Variants in CLTCL1 observed in about 807,000 individuals in gnomAD.
CLTCL1 encodes clathrin heavy chain 2.
CLTCL1 carries 159 observed loss-of-function variants against 190.0 expected under a neutral mutation model. The ratio of observed to expected loss-of-function variants is 0.84; its 90% confidence interval spans 0.74 to 0.95. CLTCL1 has a LOEUF of 0.95. Among genes scored for constraint, CLTCL1 ranks in the 40% least tolerant of loss-of-function variants. The probability of loss-of-function intolerance (pLI) is 0.00; values close to 1 mark genes in which losing one functional copy is unlikely to be tolerated. For missense variants in CLTCL1, 1,878 were observed against 2,033.4 expected, an observed-to-expected ratio of 0.92 and a Z score of 1.47; for synonymous variants, 752 against 769.6, an observed-to-expected ratio of 0.98 and a Z score of 0.38.
rs374875733 is a variant in CLTCL1 at position 19,230,097 on chromosome 22, G to GTTTTTTTTTTTTTTTTTTTTTTTTTTTTT, written c.1645-123_1645-122insAAAAAAAAAAAAAAAAAAAAAAAAAAAAA. 2 of 530,318 alleles carry GTTTTTTTTTTTTTTTTTTTTTTTTTTTTT rather than the reference G, an allele frequency of 3.8e-6. 1 individual carries two copies. Among genetic ancestry groups the GTTTTTTTTTTTTTTTTTTTTTTTTTTTTT allele is most frequent in the Non-Finnish European group, 5.5e-6 (2 of 361,860 alleles). 32.9% of individuals were successfully genotyped at this position (530,318 alleles called of 1,614,324 possible). ...AATTCAGCAATTAGTTCCCTCCCTTGGTTTTTTTTTTTTTTTTGAGATGGA... is the reference window on the plus strand; with the variant it reads ...AATTCAGCAATTAGTTCCCTCCCTTGTTTTTTTTTTTTTTTTTTTTTTTTTTTTTGTTTTTTTTTTTTTTTTGAGATGGA... On this transcript the variant is annotated intron_variant, in intron 10 of 32. Coordinates refer to ENST00000427926, the MANE Select transcript of CLTCL1 (RefSeq NM_007098.4).
At chr22:19,208,046 G>A (rs575220516) in intron 22 of CLTCL1, 108 bp downstream of exon 22, 6 of 1,361,150 alleles carry the variant, frequency 4.4e-6, no homozygotes, top group African/African-American at 4.3e-5. Context: ...AACTGTCTTC[G>A]ATGAAACCAG....
At chr22:19,226,453 C>T (rs1050440793) in intron 11 of CLTCL1, 70 bp from the exon 12 acceptor site, 2 of 1,578,150 alleles carry the variant, frequency 1.3e-6, no homozygotes. Context: ...GCTGCTCAAT[C>T]TTGCCCCAGG....
At chr22:19,192,775 C>T (rs552016636) in intron 26 of CLTCL1, among the ~76,000 whole-genome samples, 5 of 152,338 alleles carry the variant, frequency 3.3e-5, no homozygotes, top group Middle Eastern at 3.4e-3. Context: ...CCCTAGTACC[C>T]GCCACCATGG....
chr22:19,189,437 T>C (rs1338095659), intron 27 of CLTCL1, among the ~76,000 whole-genome samples: 12 of 152,270 alleles, frequency 7.9e-5, no homozygotes, highest in South Asian at 6.2e-4. Flanking sequence ...GTTTATGCAC[T>C]ATTCTAAATC....
Position 19,196,606 on chromosome 22 carries a change from G to A in CLTCL1, c.3924C>T (p.Gly1308=). 6.2e-7 allele frequency: 1 copy of A among 1,613,712 alleles called. No homozygotes were observed. The highest frequency in any genetic ancestry group is 1.1e-5 in the South Asian group (1 of 91,012). ...ELILLLEAAL[G]LERAHMGMFT... Reference sequence around the variant, plus strand: ...ACATGCCCATGTGGGCCCGCTCCAGGCCCAGGGCCGCTTCCAACAGCAAGA... The same window carrying A: ...ACATGCCCATGTGGGCCCGCTCCAGACCCAGGGCCGCTTCCAACAGCAAGA... Residue 1308 remains glycine (G), a synonymous_variant, in exon 25 of 33, where the codon GGC becomes GGT. Transcript: ENST00000427926.
At chr22:19,251,411 G>A (rs2086586777) in intron 3 of CLTCL1, among the ~76,000 whole-genome samples, 1 of 152,080 alleles carries the variant, frequency 6.6e-6, no homozygotes, top group African/African-American at 2.4e-5. Context: ...TATGTCATCT[G>A]CAAATAGAGA....
intron 11 of CLTCL1, among the ~76,000 whole-genome samples, chr22:19,228,260 T>C (rs782472993): frequency 6.6e-6 from 1 of 152,254 alleles, no homozygotes; most frequent in Non-Finnish European, 1.5e-5. Context: ...TCAAACATTT[T>C]CTCCTCATAG....
At chr22:19,262,690 A>G (rs1293339334) in intron 2 of CLTCL1, among the ~76,000 whole-genome samples, 1 of 151,424 alleles carries the variant, frequency 6.6e-6, no homozygotes, top group Non-Finnish European at 1.5e-5. Context: ...CACTGTGATC[A>G]ATCAGCAGCC....
chr22:19,235,689 T>C lies in CLTCL1; in HGVS notation c.969+7A>G. The C allele has an allele frequency of 1.9e-6, 3 of 1,610,834 alleles. No individual in the cohort carries two copies. Among genetic ancestry groups the C allele is most frequent in the Non-Finnish European group, 2.5e-6 (3 of 1,178,366 alleles). On this transcript the variant is annotated splice_region_variant and intron_variant, in intron 6 of 32. Coordinates refer to ENST00000427926, the MANE Select transcript of CLTCL1 (RefSeq NM_007098.4). The stretch of plus-strand genomic sequence containing the variant: ...AAGGTAGAAAATGAAATGTCAGAGT[T>C]ACACACCTGTCCCTTTTTGTTGACA...
intron 1 of CLTCL1, among the ~76,000 whole-genome samples, chr22:19,280,862 T>C (rs1319456878): frequency 2.9e-5 from 4 of 136,248 alleles, no homozygotes; most frequent in African/African-American, 1.1e-4. Flanking sequence ...AAAAGACAAA[T>C]ATTGTATGAT....
intron 12 of CLTCL1, 118 bp downstream of exon 12, chr22:19,226,101 G>T: frequency 8.6e-7 from 1 of 1,160,048 alleles, no homozygotes; most frequent in Non-Finnish European, 1.2e-6. Flanking sequence ...TGGTAGGTTA[G>T]GGCAGTGACA....
chr22:19,213,648 G>T (rs1401132698), intron 19 of CLTCL1, among the ~76,000 whole-genome samples: 3 of 152,170 alleles, frequency 2.0e-5, no homozygotes, highest in Admixed American at 1.3e-4. Flanking sequence ...AATCTCAAAG[G>T]CATCATCACG....
At chr22:19,270,949 C>T (rs1205740581) in intron 2 of CLTCL1, among the ~76,000 whole-genome samples, 2 of 151,780 alleles carry the variant, frequency 1.3e-5, no homozygotes, top group Non-Finnish European at 2.9e-5. Context: ...TTTAAATGAA[C>T]ATGTGTTTAT....
At chr22:19,238,737 G>A (rs807467) in intron 5 of CLTCL1, 10,899 of 152,752 alleles carry the variant, frequency 0.071, 477 homozygotes, top group Middle Eastern at 0.17. Flanking sequence ...TAGAGGCTGC[G>A]TGTCAAAGGC....
intron 2 of CLTCL1, among the ~76,000 whole-genome samples, chr22:19,265,120 T>C (rs931810691): frequency 6.6e-6 from 1 of 152,182 alleles, no homozygotes; most frequent in South Asian, 2.1e-4. Flanking sequence ...CCAAAACACA[T>C]GATCAGTAAG....
chr22:19,241,991 G>A (rs2086269579), intron 4 of CLTCL1, among the ~76,000 whole-genome samples: 1 of 148,014 alleles, frequency 6.8e-6, no homozygotes, highest in South Asian at 2.1e-4. Context: ...CGCCCAGGCT[G>A]GAGTGCAGTG....
chr22:19,247,847 C>T (rs1353819505), intron 3 of CLTCL1, among the ~76,000 whole-genome samples: 6 of 151,804 alleles, frequency 4.0e-5, no homozygotes, highest in Non-Finnish European at 8.8e-5. Context: ...AGGTGTGAGT[C>T]ACCGTGCCTG....
chr22:19,188,099 G>A lies in CLTCL1; in HGVS notation c.4324-8C>T. ...CAGGGGCAGCTGACCTGCCTGACAA[G>A]TTGAGGGAACCGTCAAGGCACTTGG... On this transcript the variant is annotated splice_polypyrimidine_tract_variant and splice_region_variant and intron_variant, in intron 27 of 32. Transcript: ENST00000427926. 2.5e-6 allele frequency: 4 copies of A among 1,613,742 alleles called. No individual in the cohort carries two copies. In the South Asian group the frequency reaches 4.4e-5, roughly 18 times the overall value.
At chr22:19,186,631 C>T (rs547312568) in intron 29 of CLTCL1, among the ~76,000 whole-genome samples, 1 of 151,738 alleles carries the variant, frequency 6.6e-6, no homozygotes, top group African/African-American at 2.4e-5. Context: ...GACAGAGTCT[C>T]ACTCTGTCAC....
Sources: gnomAD v4.1 joint callset for allele counts (sites outside exome capture counted in the v4.1 genomes callset) on GRCh38, gnomAD v4.1.1 for gene constraint, MANE v1.5 for transcripts, NCBI Gene and HGNC (gene_info 2026-07-23, HGNC 2026-07-21) for gene names.